The following MYL10 variants were observed in gnomAD, a reference collection of about 807,000 sequenced individuals.
MYL10 encodes myosin light chain 10.
Under a neutral mutation model 21.9 loss-of-function variants are expected in MYL10, and 18 were observed. That is an observed-to-expected ratio of 0.82 (90% CI 0.57 to 1.22). MYL10 has a LOEUF of 1.22. MYL10 is among the 50% of genes most tolerant of loss of function. MYL10 has a pLI of 0.00. For missense variants in MYL10, 225 were observed against 230.4 expected, an observed-to-expected ratio of 0.98 and a Z score of 0.15; for synonymous variants, 88 against 82.8, an observed-to-expected ratio of 1.06 and a Z score of -0.34.
In MYL10 at chr7:101,624,268, C is replaced by T. The variant is rs202208522; in HGVS notation, c.79-4G>A. On this transcript the variant is annotated splice_region_variant and splice_polypyrimidine_tract_variant and intron_variant, in intron 1 of 7. Coordinates refer to ENST00000223167, the MANE Select transcript of MYL10 (RefSeq NM_138403.5). ...TTTTCCGAGCTCTTCTCGGTGCCTG[C>T]GAGGTAGCAGACAAGGCCTTGCAGC... 167 of 1,610,772 alleles carry T rather than the reference C, an allele frequency of 1.0e-4. No individual in the cohort carries two copies. The highest frequency in any genetic ancestry group is 6.9e-4 in the East Asian group (31 of 44,858).
chr7:101,618,067 C>T (rs1265395004), intron 5 of MYL10, among the ~76,000 whole-genome samples: 1 of 152,280 alleles, frequency 6.6e-6, no homozygotes, highest in Non-Finnish European at 1.5e-5. Flanking sequence ...AGGAACTAGC[C>T]AGGACTGGGC....
chr7:101,621,964 C>A, intron 5 of MYL10, 132 bp downstream of exon 5: 1 of 662,352 alleles, frequency 1.5e-6, no homozygotes, highest in Admixed American at 2.8e-5. Context: ...GGTGCGTGCA[C>A]CTGGGGGCTG....
At chr7:101,613,637 G>T (rs201996407) in intron 7 of MYL10, 25 bp downstream of exon 7, 1 of 1,613,982 alleles carries the variant, frequency 6.2e-7, no homozygotes. Context: ...AGAATCCGCC[G>T]TGACCCACCA....
chr7:101,619,665 G>A (rs964997791), intron 5 of MYL10, among the ~76,000 whole-genome samples: 5 of 152,040 alleles, frequency 3.3e-5, no homozygotes, highest in African/African-American at 7.2e-5. Context: ...CGAGGAAGGC[G>A]GATCACGAGG....
intron 1 of MYL10, among the ~76,000 whole-genome samples, chr7:101,626,281 G>A (rs1288684247): frequency 5.3e-5 from 8 of 152,194 alleles, no homozygotes; most frequent in Non-Finnish European, 1.2e-4. Flanking sequence ...GGACCTCCAG[G>A]CAGGTCCGTC....
chr7:101,622,828 C>G (rs532222623), intron 4 of MYL10, among the ~76,000 whole-genome samples, 169 bp downstream of exon 4: 48 of 152,168 alleles, frequency 3.2e-4, no homozygotes, highest in African/African-American at 1.1e-3. Flanking sequence ...CCTTCTCCAA[C>G]CCCCCAGGAA....
rs1421103504 is a variant in MYL10, at chr7:101,624,174, C to CT, written c.168dup (p.Glu57ArgfsTer45). On this transcript the variant is annotated frameshift_variant, in exon 2 of 8. Transcript: ENST00000223167. LOFTEE classifies it high-confidence loss of function. ...GCCCCATGGGGCAGCAGACCAACCT[C>CT]TTTAAACTCCTGGATCTGGGACTGA... 3 of 1,609,088 alleles carry CT rather than the reference C, an allele frequency of 1.9e-6. No individual in the cohort carries two copies. In the South Asian group the frequency reaches 3.3e-5, roughly 18 times the overall value.
intron 3 of MYL10, among the ~76,000 whole-genome samples, chr7:101,623,694 C>CAAAA (rs11337754): frequency 5.0e-4 from 33 of 66,548 alleles, no homozygotes; most frequent in African/African-American, 1.9e-3. Context: ...GACCCTGTCT[C>CAAAA]AAAAAAAAAA....
At position 101,613,505 on chromosome 7, in the gene MYL10, G is replaced by A. The variant is rs145774880; in HGVS notation, c.651C>T (p.Tyr217=). Residue 217 remains tyrosine (Y), a synonymous_variant, in exon 8 of 8, where the codon TAC becomes TAT. Transcript: ENST00000223167. ...CCTTCTCTTCACCGTGAGTGATGAC[G>A]TAGCACAGGTTTCTGTAGTCCAGGT... is the stretch of plus-strand genomic sequence containing the variant. ...CGNLDYRNLC[Y]VITHGEEKD 1.2e-3 allele frequency: 1,926 copies of A among 1,614,108 alleles called. 34 individuals are homozygous for A. The South Asian group carries it at 0.02, about 16-fold the overall frequency.
chr7:101,615,158 A>G (rs1251226580), intron 6 of MYL10, among the ~76,000 whole-genome samples: 1 of 152,018 alleles, frequency 6.6e-6, no homozygotes, highest in Non-Finnish European at 1.5e-5. Flanking sequence ...ATGCATTCCA[A>G]GTGAGCTGGT....
intron 4 of MYL10, 68 bp from the exon 5 acceptor site, chr7:101,622,268 A>G (rs1220283044): frequency 9.7e-6 from 12 of 1,242,810 alleles, no homozygotes; most frequent in Middle Eastern, 1.9e-4. Flanking sequence ...GGAGGATCCC[A>G]CAAAGCCTCC....
At chr7:101,627,868 G>A (rs1796765543) in intron 1 of MYL10, among the ~76,000 whole-genome samples, 1 of 152,252 alleles carries the variant, frequency 6.6e-6, no homozygotes, top group Non-Finnish European at 1.5e-5. Flanking sequence ...CCAGGGTGGG[G>A]CCACCCATGC....
intron 5 of MYL10, among the ~76,000 whole-genome samples, chr7:101,618,172 C>T (rs755032617): frequency 9.2e-5 from 14 of 152,344 alleles, no homozygotes; most frequent in Admixed American, 4.6e-4. Flanking sequence ...TAGAGGGCAG[C>T]GCCATGGACT....
chr7:101,626,088 C>T (rs1407490670), intron 1 of MYL10, among the ~76,000 whole-genome samples: 1 of 152,212 alleles, frequency 6.6e-6, no homozygotes, highest in Non-Finnish European at 1.5e-5. Context: ...ATAAAATTCC[C>T]CTGAAAGGAA....
chr7:101,622,166 G>A lies in MYL10; in HGVS notation c.384C>T (p.Ala128=). The A allele has an allele frequency of 6.2e-7, 1 of 1,613,240 alleles. No homozygotes were observed. Among genetic ancestry groups the A allele is most frequent in the Middle Eastern group, 1.7e-4 (1 of 6,056 alleles). ...RINVKNEELE[A]MVKEAPGPIN... ...TGGGTCCGGGGGCCTCCTTCACCAT[G>A]GCCTCCAGTTCCTCGTTCTTGACAT... is the stretch of plus-strand genomic sequence containing the variant. The change falls in exon 5 of 8, where the codon GCC becomes GCT. Residue 128 remains alanine (A), a synonymous_variant. Transcript: ENST00000223167.
In MYL10 at chr7:101,613,709, TG is replaced by T; in HGVS notation, c.534del (p.Ile179SerfsTer6). On this transcript the variant is annotated frameshift_variant and splice_region_variant, in exon 7 of 8. Coordinates refer to ENST00000223167, the MANE Select transcript of MYL10 (RefSeq NM_138403.5). LOFTEE classifies it high-confidence loss of function. ...GCCTGGGTCATAAGTTTTTCTTTGA[TG>T]CTGTTCAAGGGAGAGACACAGTCAT... ...TEGKGFVKADVIKEKLMTQAD... is the reference protein window; with the variant it reads ...TEGKGFVKADXIKEKLMTQAD... 1 of 1,614,056 alleles carries T rather than the reference TG, an allele frequency of 6.2e-7. No homozygotes were observed. Among genetic ancestry groups the T allele is most frequent in the Admixed American group, 1.7e-5 (1 of 60,004 alleles).
chr7:101,623,103 C>G, intron 3 of MYL10, 31 bp from the exon 4 acceptor site: 1 of 1,602,998 alleles, frequency 6.2e-7, no homozygotes, highest in Non-Finnish European at 8.5e-7. Context: ...AAGTAGTCAC[C>G]TGCCCTTCCA....
intron 5 of MYL10, among the ~76,000 whole-genome samples, chr7:101,617,081 A>G (rs1313699117): frequency 6.6e-6 from 1 of 152,260 alleles, no homozygotes; most frequent in Non-Finnish European, 1.5e-5. Flanking sequence ...TGCGTGAATG[A>G]CAGCAGGTGA....
chr7:101,624,629 A>C (rs1414808691), intron 1 of MYL10, among the ~76,000 whole-genome samples: 1 of 152,148 alleles, frequency 6.6e-6, no homozygotes, highest in African/African-American at 2.4e-5. Flanking sequence ...ATCTGACCTT[A>C]TCGCCAGCTG....
Sources: allele counts gnomAD v4.1 joint callset (sites outside exome capture counted in the v4.1 genomes callset), GRCh38; gene constraint gnomAD v4.1.1; transcripts MANE v1.5; gene names NCBI Gene and HGNC (gene_info 2026-07-23, HGNC 2026-07-21).